The following PPP4R2 variants were observed in gnomAD, a reference collection of about 807,000 sequenced individuals.
PPP4R2 encodes the protein serine/threonine-protein phosphatase 4 regulatory subunit 2.
A neutral mutation model predicts 47.2 loss-of-function variants in PPP4R2; 13 were observed. The observed-to-expected ratio is 0.28, with a 90% CI of 0.18 to 0.44. The LOEUF (loss-of-function observed/expected upper bound fraction) is 0.44, where lower values mean the gene tolerates loss of function less well. Among genes scored for constraint, PPP4R2 ranks in the 20% least tolerant of loss-of-function variants. The pLI is 1.00. For synonymous variants in PPP4R2, 151 were observed against 163.3 expected, an observed-to-expected ratio of 0.92 and a Z score of 0.57; for missense variants, 421 against 491.2, an observed-to-expected ratio of 0.86 and a Z score of 1.35.
At chr3:73,015,030 C>T (rs1478929736) in intron 2 of PPP4R2, 8 of 615,032 alleles carry the variant, frequency 1.3e-5, no homozygotes, top group Admixed American at 2.6e-5. Context: ...GAAATATACT[C>T]CTGGCCTGTT....
chr3:73,028,181 C>G (rs954795651), intron 2 of PPP4R2, among the ~76,000 whole-genome samples: 5 of 149,704 alleles, frequency 3.3e-5, no homozygotes, highest in African/African-American at 7.4e-5. Flanking sequence ...AGCTTGAACC[C>G]AGGAGGTGGA....
At chr3:73,004,280 A>G (rs9854352) in intron 2 of PPP4R2, among the ~76,000 whole-genome samples, 2,202 of 150,386 alleles carry the variant, frequency 0.015, 58 homozygotes, top group African/African-American at 0.051. Context: ...GGCTCAGGCT[A>G]TCCTCCCGCC....
intron 3 of PPP4R2, among the ~76,000 whole-genome samples, chr3:73,058,448 T>C (rs1178939875): frequency 6.6e-6 from 1 of 152,074 alleles, no homozygotes; most frequent in Non-Finnish European, 1.5e-5. Context: ...TTTTCTATTA[T>C]ATAAAAATTT....
At chr3:73,052,330 C>T (rs1702633540) in intron 3 of PPP4R2, among the ~76,000 whole-genome samples, 1 of 148,582 alleles carries the variant, frequency 6.7e-6, no homozygotes, top group Non-Finnish European at 1.5e-5. Flanking sequence ...AACTACTCTC[C>T]AAAAGTGAAG....
intron 2 of PPP4R2, among the ~76,000 whole-genome samples, chr3:72,999,878 G>C (rs1701424426): frequency 6.6e-6 from 1 of 152,134 alleles, no homozygotes; most frequent in Admixed American, 6.5e-5. Context: ...TATGTAAATA[G>C]CAGCCAGTGT....
At chr3:73,016,459 G>C (rs9879236) in intron 2 of PPP4R2, among the ~76,000 whole-genome samples, 49,906 of 151,974 alleles carry the variant, frequency 0.33, 8,729 homozygotes, top group Non-Finnish European at 0.4. Context: ...GGCCCCAAAT[G>C]TCAGTAGTGT....
In PPP4R2 at chr3:73,066,863, T is replaced by C. The variant is rs1703006397; in HGVS notation, c.*1141T>C. 6.6e-6 allele frequency: 1 copy of C among 152,118 alleles called. No individual in the cohort carries two copies. Among genetic ancestry groups the C allele is most frequent in the African/African-American group, 2.4e-5 (1 of 41,456 alleles). The allele number at this position is 152,118 out of a possible 1,614,324, so 9.4% of individuals were successfully genotyped here. On this transcript the variant is annotated 3_prime_UTR_variant, in exon 9 of 9. Coordinates refer to ENST00000356692, the MANE Select transcript of PPP4R2 (RefSeq NM_174907.4). ...GAAGTGAATTAAATATTTTTGAACA[T>C]GCTTCTTCGACAGCCAGTGTTATAT...
intron 3 of PPP4R2, among the ~76,000 whole-genome samples, chr3:73,055,813 C>T (rs1300145147): frequency 2.6e-5 from 4 of 152,024 alleles, no homozygotes; most frequent in African/African-American, 7.2e-5. Context: ...GGATTACAGG[C>T]CAGGCTGGTT....
At chr3:73,063,006 G>A in intron 5 of PPP4R2, 4 of 1,021,918 alleles carry the variant, frequency 3.9e-6, no homozygotes, top group Middle Eastern at 2.1e-4. Context: ...TGAGATCCCA[G>A]TCTTTGAGGA....
chr3:73,007,240 T>G (rs1327304102), intron 2 of PPP4R2, among the ~76,000 whole-genome samples: 1 of 152,224 alleles, frequency 6.6e-6, no homozygotes, highest in Non-Finnish European at 1.5e-5. Flanking sequence ...ATACTCGTTG[T>G]TATGTTGTTG....
chr3:73,009,246 A>T (rs953368240), intron 2 of PPP4R2, among the ~76,000 whole-genome samples: 6 of 152,176 alleles, frequency 3.9e-5, no homozygotes, highest in Non-Finnish European at 5.9e-5. Context: ...AGCGACTACG[A>T]GTGGGGAATG....
At position 73,064,985 on chromosome 3, in the gene PPP4R2, G is replaced by T; in HGVS notation, c.772G>T (p.Glu258Ter). 1 of 1,613,874 alleles carries T rather than the reference G, an allele frequency of 6.2e-7. No individual in the cohort carries two copies. Among genetic ancestry groups the T allele is most frequent in the Non-Finnish European group, 8.5e-7 (1 of 1,179,820 alleles). The part of the protein sequence containing the change: ...LRFDKEGEVR[E>*]TASQTTSSEI... ...GTTTGACAAAGAAGGTGAAGTCAGA[G>T]AAACAGCCAGTCAAACGACTTCCAG... The change falls in exon 8 of 9, where the codon GAA (glutamate) becomes TAA (stop). Residue 258 changes from glutamate (E) to a stop codon, truncating the protein, a stop_gained. Transcript: ENST00000356692. LOFTEE classifies it high-confidence loss of function.
intron 2 of PPP4R2, chr3:73,015,012 T>G: frequency 3.0e-6 from 2 of 668,680 alleles, no homozygotes; most frequent in South Asian, 1.6e-5. Context: ...TCGTAATTTT[T>G]TTTCCTCGAA....
rs1188809151 is a variant in PPP4R2, at chr3:73,066,957, C to CA, written c.*1236dup. 1 of 152,098 alleles carries CA rather than the reference C, an allele frequency of 6.6e-6. No homozygotes were observed. Among genetic ancestry groups the CA allele is most frequent in the African/African-American group, 2.4e-5 (1 of 41,452 alleles). 9.4% of individuals were successfully genotyped at this position (152,098 alleles called of 1,614,324 possible). A position where few individuals can be genotyped will look rare whatever the true frequency, so the allele number is the denominator to read the frequency against. On this transcript the variant is annotated 3_prime_UTR_variant, in exon 9 of 9. Coordinates refer to ENST00000356692, the MANE Select transcript of PPP4R2 (RefSeq NM_174907.4). ...ATTTTCAAATTTACATATTTAAAGT[C>CA]ATGCAAGCTGTAACTTCCCTGTCAA...
intron 2 of PPP4R2, among the ~76,000 whole-genome samples, chr3:73,006,082 A>G (rs901844241): frequency 6.6e-6 from 1 of 151,924 alleles, no homozygotes; most frequent in Admixed American, 6.6e-5. Context: ...GAGTTCTAGA[A>G]TTTTATGTAA....
At chr3:73,015,637 A>G (rs1346312735) in intron 2 of PPP4R2, among the ~76,000 whole-genome samples, 2 of 141,080 alleles carry the variant, frequency 1.4e-5, no homozygotes, top group South Asian at 4.6e-4. Context: ...CACCATGCCC[A>G]GCTTTTTTTT....
At chr3:73,063,836 TTTA>T in intron 6 of PPP4R2, 89 bp downstream of exon 6, 4 of 1,147,926 alleles carry the variant, frequency 3.5e-6, no homozygotes, top group Non-Finnish European at 5.2e-6. Flanking sequence ...AATTGGGCAT[TTTA>T]TGGACACCAT....
intron 2 of PPP4R2, among the ~76,000 whole-genome samples, chr3:73,004,861 GTGTGTGTGTT>G (rs1260042751): frequency 9.6e-5 from 5 of 51,820 alleles, no homozygotes; most frequent in African/African-American, 2.3e-4. Context: ...GTGTGTGTGT[GTGTGTGTGTT>G]TGTTTGTTTG....
At chr3:73,055,417 CGTGTGTGTGTGTGTGT>C (rs10663655) in intron 3 of PPP4R2, among the ~76,000 whole-genome samples, 15 of 137,410 alleles carry the variant, frequency 1.1e-4, no homozygotes, top group East Asian at 4.2e-4. Flanking sequence ...AGTGGGGTAG[CGTGTGTGTGTGTGTGT>C]GTGTGTGTGT....
Sources: allele counts gnomAD v4.1 joint callset (sites outside exome capture counted in the v4.1 genomes callset), GRCh38; gene constraint gnomAD v4.1.1; transcripts MANE v1.5; gene names NCBI Gene and HGNC (gene_info 2026-07-23, HGNC 2026-07-21).